Variants in TRERF1 observed in about 807,000 individuals in gnomAD.
TRERF1 encodes the protein transcriptional regulating factor 1.
A neutral mutation model predicts 122.9 loss-of-function variants in TRERF1; 27 were observed. The ratio of observed to expected loss-of-function variants is 0.22; its 90% CI spans 0.16 to 0.30. The LOEUF is 0.30. Ranked by LOEUF, TRERF1 falls within the 10% of genes least tolerant of loss-of-function variation. TRERF1 has a pLI of 1.00. For synonymous variants in TRERF1, 636 were observed against 641.7 expected (o/e 0.99, Z 0.13); for missense variants, 1,248 against 1,560.3 (o/e 0.80, Z 3.37).
Position 42,369,450 on chromosome 6 carries a change from T to C in TRERF1, c.-453-6371A>G, listed in dbSNP as rs139211957. Among the ~76,000 whole-genome samples, 105 of 151,932 alleles carry C rather than the reference T, an allele frequency of 6.9e-4. 1 individual carries two copies. The East Asian group carries it at 0.019, about 28-fold the overall frequency. On this transcript the variant is annotated intron_variant, in intron 2 of 17. Transcript: ENST00000372922. ...CAGAGCGAGACTCCAACTCAAAAAATATGAACAAACAAACAAACAAACTGA... is the reference window on the plus strand; with the variant it reads ...CAGAGCGAGACTCCAACTCAAAAAACATGAACAAACAAACAAACAAACTGA...
Position 42,269,300 on chromosome 6 carries a change from T to A in TRERF1, c.291A>T (p.Leu97=), listed in dbSNP as rs1369080841. The change falls in exon 5 of 18, where the codon CTA becomes CTT. Residue 97 remains leucine (L), a synonymous_variant. Transcript: ENST00000372922. This position sits in a 1 kb window ranked among gnomAD's most constrained non-coding sequence, Gnocchi z 4.9. ...TGTTTGAGTTGGCCAGGTTTCCACG[T>A]AGCTGGACATGGTTTCCAGGCCCTG... is the stretch of plus-strand genomic sequence containing the variant. The A allele has an allele frequency of 6.2e-7, 1 of 1,614,186 alleles. No homozygotes were observed. Among genetic ancestry groups the A allele is most frequent in the African/African-American group, 1.3e-5 (1 of 75,038 alleles).
chr6:42,286,466 C>A (rs1173204829), intron 4 of TRERF1, among the ~76,000 whole-genome samples: 2 of 141,750 alleles, frequency 1.4e-5, no homozygotes, highest in Non-Finnish European at 3.1e-5. Flanking sequence ...ACAACCCCAT[C>A]AAAAAGTGGG....
chr6:42,407,703 T>A (rs1401715038), intron 2 of TRERF1, among the ~76,000 whole-genome samples: 1 of 151,894 alleles, frequency 6.6e-6, no homozygotes, highest in Non-Finnish European at 1.5e-5. Context: ...TACTACAGAA[T>A]TTCCCCCCTC....
intron 3 of TRERF1, among the ~76,000 whole-genome samples, chr6:42,304,610 T>C (rs1786825543): frequency 6.6e-6 from 1 of 152,180 alleles, no homozygotes. Context: ...GATGACTTGC[T>C]ATTTCTTGGT....
At chr6:42,247,553 G>T (rs185399760) in intron 13 of TRERF1, among the ~76,000 whole-genome samples, 1 of 152,328 alleles carries the variant, frequency 6.6e-6, no homozygotes, top group African/African-American at 2.4e-5. Context: ...GGAGAGGTGA[G>T]TGGAGCCAGT....
exon 16 of TRERF1, chr6:42,236,370 C>T (rs1562113433): frequency 6.6e-7 from 1 of 1,523,818 alleles, no homozygotes; most frequent in Non-Finnish European, 8.9e-7. Context: ...CTTCCGGGTC[C>T]TCCTCCTCCT....
At chr6:42,306,966 G>A (rs571868842) in intron 3 of TRERF1, among the ~76,000 whole-genome samples, 2 of 152,260 alleles carry the variant, frequency 1.3e-5, no homozygotes, top group East Asian at 3.9e-4. Context: ...AGAAACCAGG[G>A]ATGCCTGGGT....
At chr6:42,284,934 G>A (rs1276903030) in intron 4 of TRERF1, among the ~76,000 whole-genome samples, 1 of 152,170 alleles carries the variant, frequency 6.6e-6, no homozygotes, top group Non-Finnish European at 1.5e-5. Context: ...CATGGGGCAG[G>A]CACTCTGAAA....
chr6:42,418,245 A>G (rs1422733992), intron 2 of TRERF1, among the ~76,000 whole-genome samples: 19 of 12,730 alleles, frequency 1.5e-3, no homozygotes, highest in African/African-American at 3.5e-3. Flanking sequence ...TTTGAGATGG[A>G]GTTTTGCTCT....
At chr6:42,256,363 G>A (rs1776750671) in intron 12 of TRERF1, among the ~76,000 whole-genome samples, 1 of 152,182 alleles carries the variant, frequency 6.6e-6, no homozygotes, top group South Asian at 2.1e-4. Context: ...AGAATCAGCA[G>A]AGTATGATAG....
intron 2 of TRERF1, among the ~76,000 whole-genome samples, chr6:42,436,298 G>A (rs1785347933): frequency 6.6e-6 from 1 of 152,014 alleles, no homozygotes; most frequent in African/African-American, 2.4e-5. Context: ...GAACCCAGGA[G>A]GCGGAGTTTG....
intron 15 of TRERF1, among the ~76,000 whole-genome samples, chr6:42,241,218 G>A (rs895679792): frequency 4.6e-5 from 7 of 151,930 alleles, no homozygotes; most frequent in Non-Finnish European, 8.8e-5. Flanking sequence ...GGCCACAAAC[G>A]AGCAAAAGAC....
chr6:42,418,266 C>CTTTTTTTTTTTTTTT (rs60655151), intron 2 of TRERF1, among the ~76,000 whole-genome samples: 1 of 37,016 alleles, frequency 2.7e-5, no homozygotes, highest in Non-Finnish European at 4.4e-5. Flanking sequence ...TTCTTTCTTT[C>CTTTTTTTTTTTTTTT]TTTTTTTTTT....
chr6:42,332,692 G>A (rs773381227), intron 3 of TRERF1, among the ~76,000 whole-genome samples: 2 of 152,196 alleles, frequency 1.3e-5, no homozygotes, highest in African/African-American at 4.8e-5. Context: ...GTTACTTAGG[G>A]CCTATTTAAA....
intron 2 of TRERF1, among the ~76,000 whole-genome samples, chr6:42,442,498 G>C (rs1265952168): frequency 6.6e-6 from 1 of 152,164 alleles, no homozygotes; most frequent in Admixed American, 6.5e-5. Flanking sequence ...CCTCTGCTGA[G>C]GGGCCCCACA....
At chr6:42,331,354 C>T (rs1411697650) in intron 3 of TRERF1, among the ~76,000 whole-genome samples, 1 of 152,084 alleles carries the variant, frequency 6.6e-6, no homozygotes, top group African/African-American at 2.4e-5. Context: ...CAGGGGAGTG[C>T]AGGGTGGGGA....
exon 18 of TRERF1, chr6:42,226,117 G>C (rs1001527078): frequency 6.6e-6 from 1 of 152,156 alleles, no homozygotes; most frequent in Admixed American, 6.5e-5. Context: ...GAACTGTCTC[G>C]TTAAGGAGGA....
At chr6:42,264,422 T>G (rs146109084) in intron 7 of TRERF1, among the ~76,000 whole-genome samples, 1 of 152,254 alleles carries the variant, frequency 6.6e-6, no homozygotes, top group African/African-American at 2.4e-5. Flanking sequence ...TGCATTTACA[T>G]GTTTTCCTTT....
chr6:42,452,083 C>G (rs1459000445), upstream of TRERF1: 2 of 152,348 alleles, frequency 1.3e-5, no homozygotes, highest in African/African-American at 2.4e-5. Context: ...CCCGGTACCC[C>G]CCTTTTTTCA....
Sources: gnomAD v4.1 joint callset for allele counts (sites outside exome capture counted in the v4.1 genomes callset) on GRCh38, gnomAD v4.1.1 for gene constraint, Gnocchi (gnomAD v3.1) non-coding constraint, MANE v1.5 for transcripts, NCBI Gene and HGNC (gene_info 2026-07-23, HGNC 2026-07-21) for gene names.